The following COX14 variants were observed in gnomAD, a reference collection of about 807,000 sequenced individuals.
COX14 encodes the protein cytochrome c oxidase assembly protein COX14.
A neutral mutation model predicts 5.8 loss-of-function variants in COX14; 3 were observed. The observed-to-expected ratio is 0.51, with a 90% CI of 0.23 to 1.33. The LOEUF (loss-of-function observed/expected upper bound fraction) is 1.33, where lower values mean the gene tolerates loss of function less well. COX14 is among the 40% of genes most tolerant of loss of function. The pLI is 0.18. For synonymous variants in COX14, 25 were observed against 26.1 expected, an observed-to-expected ratio of 0.96 and a Z score of 0.13; for missense variants, 72 against 72.1, an observed-to-expected ratio of 1.00 and a Z score of 0.01.
At chr12:50,118,457 T>G (rs1316869794) in intron 1 of COX14, 2 of 984,652 alleles carry the variant, frequency 2.0e-6, no homozygotes, top group Middle Eastern at 5.2e-4. Context: ...GCTCTGGTTG[T>G]TGTTTCTTTA....
chr12:50,117,588 T>TC (rs1274045382), intron 1 of COX14, among the ~76,000 whole-genome samples: 1 of 151,010 alleles, frequency 6.6e-6, no homozygotes, highest in African/African-American at 2.4e-5. Context: ...TCTCTTTTTT[T>TC]TTTTTTTTGA....
intron 1 of COX14, among the ~76,000 whole-genome samples, chr12:50,117,410 G>T (rs1311814251): frequency 1.3e-5 from 2 of 152,066 alleles, no homozygotes; most frequent in East Asian, 3.9e-4. Flanking sequence ...TGCCTACAGT[G>T]CTGAGAGCCA....
At chr12:50,119,993 A>G in intron 1 of COX14, 43 bp from the exon 2 acceptor site, 1 of 1,499,450 alleles carries the variant, frequency 6.7e-7, no homozygotes, top group Non-Finnish European at 9.3e-7. Flanking sequence ...GGCTGGGCAG[A>G]TGAGGCCTTA....
chr12:50,120,050 A>C lies in COX14; in HGVS notation c.7A>C (p.Thr3Pro), dbSNP rs769247649. The C allele has an allele frequency of 6.2e-7, 1 of 1,613,976 alleles. No homozygotes were observed. ...TGTCTTTGTAGGGGACAAGATGCCA[A>C]CTGGCAAGCAGCTAGCTGACATTGG... MPTGKQLADIGYK... is the reference protein window; with the variant it reads MPPGKQLADIGYK... Residue 3 changes from threonine to proline, a missense_variant, in exon 2 of 2, where the codon ACT becomes CCT. By Grantham distance (38) the Thr-to-Pro change is conservative. Transcript: ENST00000550487.
rs534510580 is a variant in COX14, at chr12:50,120,436, T to G, written c.*219T>G. ...GAGGGTGAGGTACACCTACAGACAT[T>G]AAATAATTTGCTGTGTCTGTGTCTT... On this transcript the variant is annotated 3_prime_UTR_variant, in exon 2 of 2. Transcript: ENST00000550487. 24 of 506,052 alleles carry G rather than the reference T, an allele frequency of 4.7e-5. No individual in the cohort carries two copies. In the South Asian group the frequency reaches 6.5e-4, roughly 14 times the overall value. The allele number at this position is 506,052 out of a possible 1,614,324, so 31.3% of individuals were successfully genotyped here. A position where few individuals can be genotyped will look rare whatever the true frequency, so the allele number is the denominator to read the frequency against.
intron 1 of COX14, among the ~76,000 whole-genome samples, chr12:50,114,243 T>C (rs986062336): frequency 3.1e-5 from 3 of 96,158 alleles, no homozygotes; most frequent in South Asian, 6.5e-4. Flanking sequence ...AAAAAACAGG[T>C]GTTTCTGGAA....
intron 1 of COX14, among the ~76,000 whole-genome samples, chr12:50,117,964 C>T (rs1042833936): frequency 1.7e-4 from 26 of 151,498 alleles, no homozygotes; most frequent in Non-Finnish European, 1.6e-4. Flanking sequence ...AGGATGGTCT[C>T]GATCTCTTGA....
At chr12:50,113,435 C>G (rs576010320) in intron 1 of COX14, among the ~76,000 whole-genome samples, 1 of 150,730 alleles carries the variant, frequency 6.6e-6, no homozygotes, top group South Asian at 2.1e-4. Context: ...TCCAGAGTAG[C>G]TGGGACTACA....
rs1259051091 is a variant in COX14 at position 50,120,040 on chromosome 12, CAAGA to C, written c.-3_1del. The C allele has an allele frequency of 6.2e-7, 1 of 1,613,702 alleles. No individual in the cohort carries two copies. The highest frequency in any genetic ancestry group is 2.2e-5 in the East Asian group (1 of 44,884). On this transcript the variant is annotated start_lost and 5_prime_UTR_variant, in exon 2 of 2. Transcript: ENST00000550487. ...AAATTCAATCTGTCTTTGTAGGGGACAAGATGCCAACTGGCAAGCAGCTAGCTGA... is the reference window on the plus strand; with the variant it reads ...AAATTCAATCTGTCTTTGTAGGGGACTGCCAACTGGCAAGCAGCTAGCTGA...
chr12:50,114,876 TC>T lies in COX14; in HGVS notation c.-9+2577del, dbSNP rs1434133134. Among the ~76,000 whole-genome samples, 8 of 139,644 alleles carry T rather than the reference TC, an allele frequency of 5.7e-5. No homozygotes were observed. In the East Asian group the frequency reaches 2.0e-3, roughly 35 times the overall value. The allele number at this position is 139,644 out of a possible 152,430, so 91.6% of individuals were successfully genotyped here. A position where few individuals can be genotyped will look rare whatever the true frequency, so the allele number is the denominator to read the frequency against. On this transcript the variant is annotated intron_variant, in intron 1 of 1. Transcript: ENST00000550487. ...TCCGCCTCCTGGGTTCAAGCAATTCTCCTGCGTCAGCCTCCAGAGTAGTTCC... is the reference window on the plus strand; with the variant it reads ...TCCGCCTCCTGGGTTCAAGCAATTCTCTGCGTCAGCCTCCAGAGTAGTTCC...
chr12:50,117,176 AT>A (rs1231375717), intron 1 of COX14, among the ~76,000 whole-genome samples: 1 of 151,996 alleles, frequency 6.6e-6, no homozygotes, highest in Non-Finnish European at 1.5e-5. Context: ...TGCGTGGCTA[AT>A]TTAAAAAAAA....
At chr12:50,119,021 T>C (rs1462075141) in intron 1 of COX14, among the ~76,000 whole-genome samples, 1 of 152,188 alleles carries the variant, frequency 6.6e-6, no homozygotes, top group Non-Finnish European at 1.5e-5. Context: ...TAGAAGTAAT[T>C]TATCTCATGC....
At position 50,120,201 on chromosome 12, in the gene COX14, C is replaced by T. The variant is rs768783891; in HGVS notation, c.158C>T (p.Thr53Ile). ...AQRQAAEEQKTSGIM is the reference protein window; with the variant it reads ...AQRQAAEEQKISGIM The stretch of plus-strand genomic sequence containing the variant: ...CGCCAGGCCGCAGAAGAACAGAAGA[C>T]CTCAGGAATCATGTAGAACTGGGGG... Residue 53 changes from threonine (T) to isoleucine (I), a missense_variant, in exon 2 of 2, where the codon ACC becomes ATC. By Grantham distance (89) the Thr-to-Ile change is moderately conservative (BLOSUM62 -1). Coordinates refer to ENST00000550487, the MANE Select transcript of COX14 (RefSeq NM_032901.4). The T allele has an allele frequency of 1.2e-6, 2 of 1,613,940 alleles. No homozygotes were observed. Among genetic ancestry groups the T allele is most frequent in the South Asian group, 2.2e-5 (2 of 91,076 alleles).
intron 1 of COX14, among the ~76,000 whole-genome samples, chr12:50,118,203 C>T (rs930462693): frequency 2.5e-4 from 38 of 151,680 alleles, no homozygotes; most frequent in African/African-American, 7.5e-4. Flanking sequence ...TGCGCCACCA[C>T]GCCCAGCTAC....
chr12:50,119,814 CTG>C (rs1349309355), intron 1 of COX14, among the ~76,000 whole-genome samples: 4 of 152,200 alleles, frequency 2.6e-5, no homozygotes, highest in Non-Finnish European at 4.4e-5. Context: ...AGGCTTGTTT[CTG>C]TATCTTGTAG....
Position 50,120,420 on chromosome 12 carries a change from G to A in COX14, c.*203G>A, listed in dbSNP as rs887705493. 33 of 552,906 alleles carry A rather than the reference G, an allele frequency of 6.0e-5. No homozygotes were observed. The highest frequency in any genetic ancestry group is 4.6e-4 in the African/African-American group (24 of 52,536). The allele number at this position is 552,906 out of a possible 1,614,324, so 34.3% of individuals were successfully genotyped here. A position where few individuals can be genotyped will look rare whatever the true frequency, so the allele number is the denominator to read the frequency against. On this transcript the variant is annotated 3_prime_UTR_variant, in exon 2 of 2. Transcript: ENST00000550487. Reference sequence around the variant, plus strand: ...ATCGTAATAGCAATGTGAGGGTGAGGTACACCTACAGACATTAAATAATTT... The same window carrying A: ...ATCGTAATAGCAATGTGAGGGTGAGATACACCTACAGACATTAAATAATTT...
Position 50,113,032 on chromosome 12 carries a change from TG to T in COX14, c.-9+732del, listed in dbSNP as rs112386170. 357 of 146,728 alleles carry T rather than the reference TG, an allele frequency of 2.4e-3. 14 individuals carry two copies. The South Asian group carries it at 0.06, about 25-fold the overall frequency. The allele number at this position is 146,728 out of a possible 1,614,324, so 9.1% of individuals were successfully genotyped here. A position where few individuals can be genotyped will look rare whatever the true frequency, so the allele number is the denominator to read the frequency against. Reference sequence around the variant, plus strand: ...AATTTTTAAAAAAAGGTTTTTTTTTTGTTGTTGTTGTTGTTGTTTTTAAATA... The same window carrying T: ...AATTTTTAAAAAAAGGTTTTTTTTTTTTGTTGTTGTTGTTGTTTTTAAATA... On this transcript the variant is annotated intron_variant, in intron 1 of 1. Coordinates refer to ENST00000550487, the MANE Select transcript of COX14 (RefSeq NM_032901.4).
intron 1 of COX14, chr12:50,112,574 A>G (rs1009005728): frequency 7.5e-6 from 5 of 668,342 alleles, no homozygotes; most frequent in South Asian, 1.3e-4. Flanking sequence ...CCACGCTCCA[A>G]CTCTGCCTCT....
At chr12:50,118,816 G>T (rs1483747337) in intron 1 of COX14, among the ~76,000 whole-genome samples, 1 of 152,072 alleles carries the variant, frequency 6.6e-6, no homozygotes, top group Non-Finnish European at 1.5e-5. Flanking sequence ...TTATTTTATT[G>T]AGGTAGTCTT....
Sources: gnomAD v4.1 joint callset for allele counts (sites outside exome capture counted in the v4.1 genomes callset) on GRCh38, gnomAD v4.1.1 for gene constraint, MANE v1.5 for transcripts, NCBI Gene and HGNC (gene_info 2026-07-23, HGNC 2026-07-21) for gene names.